The following ANKRD31 variants were observed in gnomAD, a reference collection of about 807,000 sequenced individuals.
ANKRD31 encodes the protein ankyrin repeat domain-containing protein 31.
In ANKRD31, 147 loss-of-function variants were observed where a neutral mutation model predicts 186.0. That is an observed-to-expected ratio of 0.79 (90% CI 0.69 to 0.91). The LOEUF is 0.91. ANKRD31 is among the 40% of genes least tolerant of loss of function. ANKRD31 has a pLI of 0.00. For missense variants in ANKRD31, 1,986 were observed against 2,148.8 expected (o/e 0.92, Z 1.50); for synonymous variants, 673 against 736.4 (o/e 0.91, Z 1.39).
intron 11 of ANKRD31, among the ~76,000 whole-genome samples, chr5:75,166,843 A>G (rs1752958168): frequency 6.6e-6 from 1 of 152,220 alleles, no homozygotes; most frequent in Non-Finnish European, 1.5e-5. Flanking sequence ...TTTCTAAGGA[A>G]CAACATTGAG....
intron 9 of ANKRD31, among the ~76,000 whole-genome samples, chr5:75,191,889 G>A (rs10515200): frequency 0.21 from 32,340 of 151,824 alleles, 3,631 homozygotes; most frequent in South Asian, 0.39. Context: ...CCAGCTTATC[G>A]CATTTTTAAA....
Position 75,112,569 on chromosome 5 carries a change from A to C in ANKRD31, c.4187T>G (p.Ile1396Arg). ...TAATAAATATTCTTGTTTTTCTTCT[A>C]TATCTTGTAGAATGGCACTGAGGGT... is the stretch of plus-strand genomic sequence containing the variant. ...HQTLSAILQD[I>R]EEKQEYLLEF... The change falls in exon 20 of 26, where the codon ATA becomes AGA. Residue 1396 changes from isoleucine to arginine, a missense_variant. By Grantham distance (97) the Ile-to-Arg change is moderately conservative (BLOSUM62 -3). Coordinates refer to ENST00000506364, the MANE Select transcript of ANKRD31 (RefSeq NM_001372053.1). 1 of 1,525,310 alleles carries C rather than the reference A, an allele frequency of 6.6e-7. No homozygotes were observed. Among genetic ancestry groups the C allele is most frequent in the South Asian group, 1.2e-5 (1 of 82,578 alleles). The allele number at this position is 1,525,310 out of a possible 1,614,324, so 94.5% of individuals were successfully genotyped here. A position where few individuals can be genotyped will look rare whatever the true frequency, so the allele number is the denominator to read the frequency against.
At chr5:75,132,181 G>A (rs1180650158) in intron 17 of ANKRD31, among the ~76,000 whole-genome samples, 1 of 152,232 alleles carries the variant, frequency 6.6e-6, no homozygotes, top group Non-Finnish European at 1.5e-5. Context: ...CGAGTTGAGG[G>A]AAGAAGGCTT....
At chr5:75,198,122 T>G (rs1460205675) in intron 6 of ANKRD31, among the ~76,000 whole-genome samples, 2 of 152,204 alleles carry the variant, frequency 1.3e-5, no homozygotes, top group African/African-American at 4.8e-5. Context: ...AAATATACCT[T>G]ACCGTAAATG....
intron 3 of ANKRD31, among the ~76,000 whole-genome samples, chr5:75,215,110 T>C (rs1415814489): frequency 6.6e-6 from 1 of 151,750 alleles, no homozygotes; most frequent in Non-Finnish European, 1.5e-5. Flanking sequence ...ACAGATGGAG[T>C]TTAAAGGCCA....
intron 18 of ANKRD31, among the ~76,000 whole-genome samples, chr5:75,117,286 G>A (rs2150081442): frequency 6.6e-6 from 1 of 152,216 alleles, no homozygotes; most frequent in African/African-American, 2.4e-5. Flanking sequence ...TAAATCATGG[G>A]AACTTTCAGG....
intron 10 of ANKRD31, among the ~76,000 whole-genome samples, chr5:75,177,849 C>G (rs1173290058): frequency 2.0e-5 from 3 of 152,126 alleles, no homozygotes; most frequent in Non-Finnish European, 4.4e-5. Flanking sequence ...AACCAGCTAA[C>G]ATCATAATAA....
At chr5:75,228,818 C>A (rs1757785971) in intron 2 of ANKRD31, among the ~76,000 whole-genome samples, 1 of 152,132 alleles carries the variant, frequency 6.6e-6, no homozygotes, top group Non-Finnish European at 1.5e-5. Context: ...TAACTCCTTT[C>A]TAGTGGTACT....
chr5:75,206,594 A>G, intron 4 of ANKRD31, 107 bp from the exon 5 acceptor site: 2 of 488,228 alleles, frequency 4.1e-6, no homozygotes, highest in East Asian at 4.5e-5. Context: ...CTTTCCAAAT[A>G]GGATAATTTT....
chr5:75,078,692 G>A (rs1045549657), intron 25 of ANKRD31, among the ~76,000 whole-genome samples: 2 of 152,150 alleles, frequency 1.3e-5, no homozygotes, highest in African/African-American at 4.8e-5. Flanking sequence ...TATCTTAACA[G>A]AATTAAAAAA....
At chr5:75,126,122 T>A (rs1258092338) in intron 17 of ANKRD31, among the ~76,000 whole-genome samples, 1 of 152,202 alleles carries the variant, frequency 6.6e-6, no homozygotes, top group Non-Finnish European at 1.5e-5. Flanking sequence ...CTCTTTGACT[T>A]AGCATGATGA....
chr5:75,173,534 T>G (rs998240814), intron 10 of ANKRD31, among the ~76,000 whole-genome samples: 2 of 152,134 alleles, frequency 1.3e-5, no homozygotes, highest in African/African-American at 2.4e-5. Flanking sequence ...TTCAGCAAAG[T>G]CTCAGGATAC....
At chr5:75,164,119 G>T (rs1235135062) in intron 11 of ANKRD31, among the ~76,000 whole-genome samples, 1 of 152,156 alleles carries the variant, frequency 6.6e-6, no homozygotes, top group African/African-American at 2.4e-5. Context: ...TTGTCATACT[G>T]TGAGGACATT....
At chr5:75,177,255 A>G (rs372078863) in intron 10 of ANKRD31, among the ~76,000 whole-genome samples, 1 of 152,190 alleles carries the variant, frequency 6.6e-6, no homozygotes, top group East Asian at 1.9e-4. Context: ...ATCTACGTCT[A>G]ATTGCCGTAC....
chr5:75,104,337 T>G lies in ANKRD31; in HGVS notation c.5222A>C (p.Lys1741Thr). 1 of 1,537,200 alleles carries G rather than the reference T, an allele frequency of 6.5e-7. No individual in the cohort carries two copies. The highest frequency in any genetic ancestry group is 8.7e-7 in the Non-Finnish European group (1 of 1,146,880). ...AGGAGCTGTACTGTAGTTTAAAGCCTTTTTTATTGTATCTTGTTGCCCAGA... is the reference window on the plus strand; with the variant it reads ...AGGAGCTGTACTGTAGTTTAAAGCCGTTTTTATTGTATCTTGTTGCCCAGA... ...SGSGQQDTIKKALNYSTAPKK... is the reference protein window; with the variant it reads ...SGSGQQDTIKTALNYSTAPKK... Residue 1741 changes from lysine to threonine, a missense_variant, in exon 22 of 26, where the codon AAG becomes ACG. Coordinates refer to ENST00000506364, the MANE Select transcript of ANKRD31 (RefSeq NM_001372053.1).
At chr5:75,118,353 G>A in intron 17 of ANKRD31, 56 bp from the exon 18 acceptor site, 1 of 1,301,764 alleles carries the variant, frequency 7.7e-7, no homozygotes, top group Non-Finnish European at 9.9e-7. Flanking sequence ...AATAATTTCT[G>A]TTTTCATCAC....
At chr5:75,171,388 T>C (rs1753308837) in intron 10 of ANKRD31, among the ~76,000 whole-genome samples, 1 of 151,854 alleles carries the variant, frequency 6.6e-6, no homozygotes, top group Admixed American at 6.6e-5. Context: ...GAAGAAAGCA[T>C]ATGAGAAATT....
intron 24 of ANKRD31, among the ~76,000 whole-genome samples, chr5:75,083,326 T>C (rs1745225189): frequency 6.6e-6 from 1 of 152,204 alleles, no homozygotes; most frequent in Admixed American, 6.5e-5. Flanking sequence ...GTTCAACCTG[T>C]ATAATAATTC....
intron 22 of ANKRD31, 31 bp from the exon 23 acceptor site, chr5:75,091,432 TC>T (rs1283189300): frequency 4.6e-6 from 7 of 1,517,652 alleles, no homozygotes; most frequent in East Asian, 4.9e-5. Flanking sequence ...GAAATTAAGG[TC>T]AAAAATAGCT....
Sources: allele counts gnomAD v4.1 joint callset (sites outside exome capture counted in the v4.1 genomes callset), GRCh38; gene constraint gnomAD v4.1.1; transcripts MANE v1.5; gene names NCBI Gene and HGNC (gene_info 2026-07-23, HGNC 2026-07-21).